The following ATXN3 variants were observed in gnomAD, a reference collection of about 807,000 sequenced individuals.
The protein encoded by ATXN3 is ataxin 3.
In ATXN3, 28 loss-of-function variants were observed where a neutral mutation model predicts 58.2. The ratio of observed to expected loss-of-function variants is 0.48; its 90% CI spans 0.36 to 0.66. The LOEUF (loss-of-function observed/expected upper bound fraction) is 0.66, where lower values mean the gene tolerates loss of function less well. Ranked by LOEUF, ATXN3 falls within the 30% of genes least tolerant of loss-of-function variation. ATXN3 has a pLI of 0.00. For synonymous variants in ATXN3, 113 were observed against 138.5 expected, an observed-to-expected ratio of 0.82 and a Z score of 1.29; for missense variants, 321 against 422.1, an observed-to-expected ratio of 0.76 and a Z score of 2.10.
chr14:92,070,604 C>G (rs2059251164), intron 10 of ATXN3: 2 of 604,506 alleles, frequency 3.3e-6, no homozygotes. Flanking sequence ...TCCATGATGT[C>G]TAAGGAATTT....
At chr14:92,070,640 A>G in intron 10 of ATXN3, 1 of 770,932 alleles carries the variant, frequency 1.3e-6, no homozygotes, top group Non-Finnish European at 2.0e-6. Context: ...ATTACTGTGA[A>G]GTTTAAATTA....
Position 92,071,667 on chromosome 14 carries a change from T to C in ATXN3, c.873-614A>G, listed in dbSNP as rs571948743. The C allele has an allele frequency of 3.7e-5, 9 of 245,276 alleles. 1 individual carries two copies. Among genetic ancestry groups the C allele is most frequent in the African/African-American group, 2.1e-4 (9 of 43,856 alleles). 15.2% of individuals were successfully genotyped at this position (245,276 alleles called of 1,614,324 possible). On this transcript the variant is annotated intron_variant, in intron 9 of 10. Transcript: ENST00000644486. ...GTAGTTATTCTTATGCAAATGAGTG[T>C]TGGTTTATAGACCCTTAATATTGTT... is the stretch of plus-strand genomic sequence containing the variant.
chr14:92,068,907 AAATGT>A (rs2058920887), intron 10 of ATXN3, among the ~76,000 whole-genome samples: 1 of 151,906 alleles, frequency 6.6e-6, no homozygotes, highest in Admixed American at 6.6e-5. Flanking sequence ...TGTTTTATAC[AAATGT>A]TGAGGTGTTT....
intron 2 of ATXN3, among the ~76,000 whole-genome samples, chr14:92,047,253 G>A (rs2057431871): frequency 6.6e-6 from 1 of 152,248 alleles, no homozygotes; most frequent in African/African-American, 2.4e-5. Flanking sequence ...ACAAGTGTAT[G>A]GGTTGGGCAC....
rs773982221 is a variant in ATXN3 at position 92,088,743 on chromosome 14, T to C, written c.462A>G (p.Gln154=). ...GCCGTTACTTACCTTCCTGTTGTAA[T>C]TGAGCCAAGAAAAGTGCAAGATATG... The part of the protein sequence containing the change: ...SDTYLALFLA[Q]LQQEGYSIFV... Residue 154 remains glutamine (Q), a synonymous_variant, in exon 6 of 11, where the codon CAA becomes CAG. Transcript: ENST00000644486. 68 of 1,605,464 alleles carry C rather than the reference T, an allele frequency of 4.2e-5. No homozygotes were observed. The highest frequency in any genetic ancestry group is 1.3e-4 in the African/African-American group (10 of 74,746).
upstream of ATXN3, among the ~76,000 whole-genome samples, chr14:92,051,534 A>G (rs769894605): frequency 1.3e-5 from 2 of 151,910 alleles, no homozygotes; most frequent in Non-Finnish European, 2.9e-5. Flanking sequence ...ATGCTCTGAA[A>G]TTAATAATGG....
rs965054169 is a variant in ATXN3, at chr14:92,070,982, G to A, written c.944C>T (p.Pro315Leu). ...TGAACTGGTGGCTGGCCTTTCACAT[G>A]GATGTGAACTCTGTCCTGATAGGTC... ...QGDLSGQSSHPCERPATSSGA... is the reference protein window; with the variant it reads ...QGDLSGQSSHLCERPATSSGA... Residue 315 changes from proline to leucine, a missense_variant, in exon 10 of 11, where the codon CCA becomes CTA. Coordinates refer to ENST00000644486, the MANE Select transcript of ATXN3 (RefSeq NM_004993.6). 3.3e-6 allele frequency: 4 copies of A among 1,200,744 alleles called. No individual in the cohort carries two copies. In the Admixed American group the frequency reaches 1.1e-4, roughly 34 times the overall value. The allele number at this position is 1,200,744 out of a possible 1,614,324, so 74.4% of individuals were successfully genotyped here.
At chr14:92,064,584 A>G (rs2058044306) in intron 10 of ATXN3, among the ~76,000 whole-genome samples, 170 bp from the exon 11 acceptor site, 1 of 152,318 alleles carries the variant, frequency 6.6e-6, no homozygotes, top group South Asian at 2.1e-4. Context: ...TGACAAATAC[A>G]CCATCAAGAT....
At chr14:92,055,827 G>T (rs2057463053), downstream of ATXN3, among the ~76,000 whole-genome samples, 2 of 152,160 alleles carry the variant, frequency 1.3e-5, no homozygotes, top group South Asian at 4.1e-4. The surrounding 1 kb of genome is among the most constrained non-coding windows in gnomAD (Gnocchi z 4.5). Flanking sequence ...TGGATGTGGT[G>T]GCCTGCGCCT....
intron 3 of ATXN3, among the ~76,000 whole-genome samples, chr14:92,094,853 TA>T (rs1403121045): frequency 1.3e-5 from 2 of 152,140 alleles, no homozygotes; most frequent in Non-Finnish European, 2.9e-5. Context: ...CAGTAGCCAT[TA>T]CCTGTTAGCA....
chr14:92,091,202 G>A (rs1441871714), intron 5 of ATXN3, among the ~76,000 whole-genome samples: 1 of 152,124 alleles, frequency 6.6e-6, no homozygotes, highest in Admixed American at 6.6e-5. Context: ...TGTAACCCCA[G>A]CACTTTGAGA....
rs1419122323 is a variant in ATXN3 at position 92,062,799 on chromosome 14, A to G, written c.*1521T>C. Reference sequence around the variant, plus strand: ...TTTTTTCTTCTCTTTTCAGTTAGTTAGCAATAAATCCTAGATCAAAAAACT... The same window carrying G: ...TTTTTTCTTCTCTTTTCAGTTAGTTGGCAATAAATCCTAGATCAAAAAACT... On this transcript the variant is annotated 3_prime_UTR_variant, in exon 11 of 11. Transcript: ENST00000644486. 1 of 152,640 alleles carries G rather than the reference A, an allele frequency of 6.6e-6. No individual in the cohort carries two copies. The highest frequency in any genetic ancestry group is 2.4e-5 in the African/African-American group (1 of 41,462). The allele number at this position is 152,640 out of a possible 1,614,324, so 9.5% of individuals were successfully genotyped here.
chr14:92,050,102 T>A (rs1281003371), upstream of ATXN3, among the ~76,000 whole-genome samples: 18 of 152,052 alleles, frequency 1.2e-4, no homozygotes, highest in Admixed American at 1.2e-3. Context: ...TGATGTGATG[T>A]CTTGGATGTG....
upstream of ATXN3, among the ~76,000 whole-genome samples, chr14:92,049,987 A>G (rs562926054): frequency 1.3e-5 from 2 of 152,330 alleles, no homozygotes; most frequent in African/African-American, 4.8e-5. Context: ...GCAGAAATTA[A>G]GTAATTAACA....
intron 1 of ATXN3, among the ~76,000 whole-genome samples, chr14:92,105,689 A>C (rs2068119480): frequency 6.6e-6 from 1 of 152,206 alleles, no homozygotes; most frequent in African/African-American, 2.4e-5. Flanking sequence ...TGGCTGGATA[A>C]TAGTATGAGA....
intron 8 of ATXN3, among the ~76,000 whole-genome samples, chr14:92,081,808 C>T (rs2061529817): frequency 6.6e-6 from 1 of 152,074 alleles, no homozygotes; most frequent in East Asian, 1.9e-4. Context: ...TTTTCTTTGC[C>T]TAGATTGTCT....
At chr14:92,046,869 C>T (rs767477826) in intron 2 of ATXN3, among the ~76,000 whole-genome samples, 46 of 151,960 alleles carry the variant, frequency 3.0e-4, no homozygotes, top group East Asian at 1.3e-3. Context: ...AGGTAGGTAA[C>T]GGATGGAGAA....
intron 10 of ATXN3, among the ~76,000 whole-genome samples, chr14:92,066,716 T>A (rs1016987399): frequency 6.7e-6 from 1 of 149,124 alleles, no homozygotes; most frequent in African/African-American, 2.5e-5. Flanking sequence ...CAACCAATTC[T>A]CTTGCCTCAG....
chr14:92,072,223 T>C (rs922483906), intron 9 of ATXN3, among the ~76,000 whole-genome samples: 5 of 152,176 alleles, frequency 3.3e-5, no homozygotes, highest in African/African-American at 9.7e-5. Context: ...TTCTTGTACT[T>C]AGAAAATATA....
Sources: allele counts gnomAD v4.1 joint callset (sites outside exome capture counted in the v4.1 genomes callset), GRCh38; gene constraint gnomAD v4.1.1; non-coding constraint Gnocchi (gnomAD v3.1); transcripts MANE v1.5; gene names NCBI Gene and HGNC (gene_info 2026-07-23, HGNC 2026-07-21).